The following TNFRSF10D variants were observed in gnomAD, a reference collection of about 807,000 sequenced individuals.
The protein encoded by TNFRSF10D is tumor necrosis factor receptor superfamily member 10D.
TNFRSF10D carries 28 observed loss-of-function variants against 42.1 expected under a neutral mutation model. The ratio of observed to expected loss-of-function variants is 0.66; its 90% CI spans 0.49 to 0.91. The LOEUF (loss-of-function observed/expected upper bound fraction) is 0.91, where lower values mean the gene tolerates loss of function less well. TNFRSF10D is among the 40% of genes least tolerant of loss of function. The pLI is 0.00. For missense variants in TNFRSF10D, 503 were observed against 486.1 expected, an observed-to-expected ratio of 1.03 and a Z score of -0.33; for synonymous variants, 186 against 189.4, an observed-to-expected ratio of 0.98 and a Z score of 0.15.
At chr8:23,144,775 C>T (rs544423937) in intron 6 of TNFRSF10D, 140 bp from the exon 7 acceptor site, 2 of 1,106,740 alleles carry the variant, frequency 1.8e-6, no homozygotes, top group Non-Finnish European at 1.3e-6. Context: ...TCCAGGACCC[C>T]ATGCTGAGGT....
chr8:23,161,133 C>A (rs568622936), intron 1 of TNFRSF10D, among the ~76,000 whole-genome samples: 43 of 152,352 alleles, frequency 2.8e-4, no homozygotes, highest in African/African-American at 9.6e-4. Context: ...CATCCTCCCA[C>A]ACCTGCTAAC....
At chr8:23,163,428 C>T (rs899151051) in intron 1 of TNFRSF10D, among the ~76,000 whole-genome samples, 1 of 152,062 alleles carries the variant, frequency 6.6e-6, no homozygotes, top group Non-Finnish European at 1.5e-5. Flanking sequence ...AACGAACGAA[C>T]GAACGAACGA....
At position 23,145,771 on chromosome 8, in the gene TNFRSF10D, G is replaced by A. The variant is rs770977269; in HGVS notation, c.633C>T (p.His211=). 2 of 1,614,202 alleles carry A rather than the reference G, an allele frequency of 1.2e-6. No individual in the cohort carries two copies. Among genetic ancestry groups the A allele is most frequent in the Admixed American group, 1.7e-5 (1 of 60,022 alleles). Reference sequence around the variant, plus strand: ...CTAAAACCACTATGATGATAAGGTAGTGATAGGGAGAGGCAAGCATCCCCA... The same window carrying A: ...CTAAAACCACTATGATGATAAGGTAATGATAGGGAGAGGCAAGCATCCCCA... ...TILGMLASPY[H]YLIIIVVLVI... is the part of the protein sequence containing the mutation. The change falls in exon 5 of 9, where the codon CAC becomes CAT. Residue 211 remains histidine (H), a synonymous_variant. Coordinates refer to ENST00000312584, the MANE Select transcript of TNFRSF10D (RefSeq NM_003840.5).
Position 23,137,761 on chromosome 8 carries a change from T to C in TNFRSF10D, c.*109A>G. 7.1e-7 allele frequency: 1 copy of C among 1,416,794 alleles called. No homozygotes were observed. The highest frequency in any genetic ancestry group is 9.5e-7 in the Non-Finnish European group (1 of 1,048,612). The allele number at this position is 1,416,794 out of a possible 1,614,324, so 87.8% of individuals were successfully genotyped here. A position where few individuals can be genotyped will look rare whatever the true frequency, so the allele number is the denominator to read the frequency against. ...TGGTAAGCTGCCCCATATTGGATAG[T>C]AGAGTTTGTTGGGGCATGGGTCAAG... On this transcript the variant is annotated 3_prime_UTR_variant, in exon 9 of 9. Transcript: ENST00000312584.
chr8:23,155,814 A>AC (rs1800270418), intron 1 of TNFRSF10D, among the ~76,000 whole-genome samples: 1 of 45,610 alleles, frequency 2.2e-5, no homozygotes, highest in East Asian at 9.0e-4. Context: ...GTGGGTGAAT[A>AC]TTCTCTCTCT....
At chr8:23,148,299 C>A in intron 3 of TNFRSF10D, 139 bp downstream of exon 3, 1 of 371,488 alleles carries the variant, frequency 2.7e-6, no homozygotes, top group Non-Finnish European at 5.0e-6. Flanking sequence ...TTTTAATCAA[C>A]TAGTCATAAT....
chr8:23,163,798 C>G lies in TNFRSF10D; in HGVS notation c.138G>C (p.Ala46=). Residue 46 remains alanine, a synonymous_variant, in exon 1 of 9, where the codon GCG becomes GCC. Transcript: ENST00000312584. ...KILKFVVFIV[A]VLLPVRVDSA... is the part of the protein sequence containing the mutation. ...GGCGGAGACTCACCGGCAGCAGAAC[C>G]GCGACGATGAAGACGACGAACTTAA... is the stretch of plus-strand genomic sequence containing the variant. 2 of 1,609,328 alleles carry G rather than the reference C, an allele frequency of 1.2e-6. No homozygotes were observed. The highest frequency in any genetic ancestry group is 8.5e-7 in the Non-Finnish European group (1 of 1,178,704).
intron 3 of TNFRSF10D, among the ~76,000 whole-genome samples, 199 bp downstream of exon 3, chr8:23,148,239 A>C (rs1193166415): frequency 6.6e-6 from 1 of 151,816 alleles, no homozygotes; most frequent in Non-Finnish European, 1.5e-5. Context: ...AACTGTCTTC[A>C]AAAAAATAAA....
Position 23,135,664 on chromosome 8 carries a change from A to G in TNFRSF10D, c.*2206T>C, listed in dbSNP as rs1814304421. Reference sequence around the variant, plus strand: ...CATATATAACCAGGTGTTATGTGCTATTTGGCCCGGGTATAAAGCAAAACC... The same window carrying G: ...CATATATAACCAGGTGTTATGTGCTGTTTGGCCCGGGTATAAAGCAAAACC... On this transcript the variant is annotated 3_prime_UTR_variant, in exon 9 of 9. Transcript: ENST00000312584. The G allele has an allele frequency of 3.6e-6, 1 of 277,844 alleles. No homozygotes were observed. The highest frequency in any genetic ancestry group is 7.2e-6 in the Non-Finnish European group (1 of 138,984). 17.2% of individuals were successfully genotyped at this position (277,844 alleles called of 1,614,324 possible). A position where few individuals can be genotyped will look rare whatever the true frequency, so the allele number is the denominator to read the frequency against.
intron 4 of TNFRSF10D, among the ~76,000 whole-genome samples, chr8:23,146,201 G>A (rs1444916552): frequency 7.9e-5 from 12 of 152,210 alleles, no homozygotes; most frequent in Admixed American, 7.2e-4. Flanking sequence ...CTGCAGGGGA[G>A]GCCTGCGTTA....
chr8:23,148,373 G>T, intron 3 of TNFRSF10D, 65 bp downstream of exon 3: 1 of 1,299,968 alleles, frequency 7.7e-7, no homozygotes, highest in Non-Finnish European at 1.1e-6. Context: ...GACTCACATC[G>T]GCTACAGCTC....
chr8:23,139,045 C>T (rs1814397092), intron 7 of TNFRSF10D, among the ~76,000 whole-genome samples: 1 of 150,760 alleles, frequency 6.6e-6, no homozygotes, highest in African/African-American at 2.5e-5. Context: ...AGGGCAGACA[C>T]AATAATCATT....
At position 23,144,631 on chromosome 8, in the gene TNFRSF10D, A is replaced by G; in HGVS notation, c.773T>C (p.Leu258Pro). The change falls in exon 7 of 9, where the codon CTT becomes CCT. Residue 258 changes from leucine to proline, a missense_variant. Transcript: ENST00000312584. ...TGAAGGACATGAACGCCGCCGGAAAAGGACCTTGGGAAGACAAAGAGCCCA... is the reference window on the plus strand; with the variant it reads ...TGAAGGACATGAACGCCGCCGGAAAGGGACCTTGGGAAGACAAAGAGCCCA... ...GGGPERVHRV[L>P]FRRRSCPSRV... The G allele has an allele frequency of 6.2e-7, 1 of 1,613,110 alleles. No homozygotes were observed. Among genetic ancestry groups the G allele is most frequent in the Non-Finnish European group, 8.5e-7 (1 of 1,179,390 alleles).
At chr8:23,148,364 A>G in intron 3 of TNFRSF10D, 74 bp downstream of exon 3, 3 of 1,186,034 alleles carry the variant, frequency 2.5e-6, no homozygotes, top group Non-Finnish European at 2.5e-6. Context: ...TGGTTCCCCG[A>G]CTCACATCGG....
intron 1 of TNFRSF10D, among the ~76,000 whole-genome samples, chr8:23,158,873 C>G (rs190797667): frequency 2.0e-5 from 3 of 152,076 alleles, no homozygotes; most frequent in Admixed American, 6.5e-5. Context: ...TTGAGATGTA[C>G]GTATACACTG....
rs751179389 is a variant in TNFRSF10D at position 23,144,485 on chromosome 8, TCA to T, written c.917_918del (p.Val306AspfsTer18). 1 of 1,614,148 alleles carries T rather than the reference TCA, an allele frequency of 6.2e-7. No individual in the cohort carries two copies. Among genetic ancestry groups the T allele is most frequent in the South Asian group, 1.1e-5 (1 of 91,086 alleles). On this transcript the variant is annotated frameshift_variant, in exon 7 of 9. Coordinates refer to ENST00000312584, the MANE Select transcript of TNFRSF10D (RefSeq NM_003840.5). LOFTEE classifies it high-confidence loss of function. ...TGTGGCTCCTCTGGCAACTCTACAGTCACACCTGTTAGCTCTGCCAGCTCCTG... is the reference window on the plus strand; with the variant it reads ...TGTGGCTCCTCTGGCAACTCTACAGTCACCTGTTAGCTCTGCCAGCTCCTG... ...QGQELAELTG[V>X]TVELPEEPQR...
At chr8:23,159,877 C>T (rs923315243) in intron 1 of TNFRSF10D, among the ~76,000 whole-genome samples, 3 of 151,220 alleles carry the variant, frequency 2.0e-5, no homozygotes, top group African/African-American at 7.3e-5. Context: ...AAAAAGAAGT[C>T]GTACGTGCTT....
At chr8:23,155,823 CT>C (rs1800271340) in intron 1 of TNFRSF10D, among the ~76,000 whole-genome samples, 9 of 151,450 alleles carry the variant, frequency 5.9e-5, no homozygotes. Context: ...TATTCTCTCT[CT>C]CTCTCTCTCT....
chr8:23,138,722 C>G (rs889616841), intron 7 of TNFRSF10D, among the ~76,000 whole-genome samples: 924 of 152,202 alleles, frequency 6.1e-3, no homozygotes, highest in African/African-American at 0.019. Context: ...CATCAGTACT[C>G]TACCATATCA....
Sources: gnomAD v4.1 joint callset for allele counts (sites outside exome capture counted in the v4.1 genomes callset) on GRCh38, gnomAD v4.1.1 for gene constraint, MANE v1.5 for transcripts, NCBI Gene and HGNC (gene_info 2026-07-23, HGNC 2026-07-21) for gene names.